The following MAN1B1 variants were observed in gnomAD, a reference collection of about 807,000 sequenced individuals.
MAN1B1 encodes the protein mannosidase alpha class 1B member 1, also known as endoplasmic reticulum mannosyl-oligosaccharide 1,2-alpha-mannosidase.
Under a neutral mutation model 75.5 loss-of-function variants are expected in MAN1B1, and 66 were observed. The ratio of observed to expected loss-of-function variants is 0.87; its 90% CI spans 0.72 to 1.07. The LOEUF (loss-of-function observed/expected upper bound fraction) is 1.07. MAN1B1 is among the 50% of genes least tolerant of loss of function. MAN1B1 has a pLI of 0.00. For synonymous variants in MAN1B1, 453 were observed against 382.8 expected, an observed-to-expected ratio of 1.18 and a Z score of -2.14; for missense variants, 973 against 912.5, an observed-to-expected ratio of 1.07 and a Z score of -0.85.
At position 137,106,199 on chromosome 9, in the gene MAN1B1, C is replaced by T. The variant is rs777513411; in HGVS notation, c.1329C>T (p.Ile443=). The part of the protein sequence containing the change: ...GKKDGLVPMF[I]NTHSGLFTHL... ...AGGATGGGCTGGTGCCCATGTTCAT[C>T]AATACCCACAGTGGCCTCTTCACCC... The change falls in exon 9 of 13, where the codon ATC becomes ATT. Residue 443 remains isoleucine, a synonymous_variant. Transcript: ENST00000371589. 2.5e-6 allele frequency: 4 copies of T among 1,611,944 alleles called. No individual in the cohort carries two copies. Among genetic ancestry groups the T allele is most frequent in the Non-Finnish European group, 3.4e-6 (4 of 1,179,522 alleles).
At chr9:137,098,011 AGCCATGGTGGGTGGCGCCCCCGC>A in intron 5 of MAN1B1, 74 bp downstream of exon 5, 2 of 1,210,916 alleles carry the variant, frequency 1.7e-6, no homozygotes, top group Non-Finnish European at 2.4e-6. Context: ...GCTTCGTCTC[AGCCATGGTGGGTGGCGCCCCCGC>A]CCTGGTGTGC....
Position 137,095,173 on chromosome 9 carries a change from A to G in MAN1B1, c.466-1064A>G, listed in dbSNP as rs116721038. ...ATTGCACTCCGGCCTGGGTGACAAA[A>G]CAAGACTCTGACTGGGATTACAGGC... On this transcript the variant is annotated intron_variant, in intron 3 of 12. Coordinates refer to ENST00000371589, the MANE Select transcript of MAN1B1 (RefSeq NM_016219.5). Among the ~76,000 whole-genome samples, 1,363 of 152,126 alleles carry G rather than the reference A, an allele frequency of 9.0e-3. 12 individuals are homozygous for G. Among genetic ancestry groups the G allele is most frequent in the African/African-American group, 0.023 (964 of 41,526 alleles).
rs1397406859 is a variant in MAN1B1, at chr9:137,088,185, T to C, written c.328+2T>C. 1 of 1,614,104 alleles carries C rather than the reference T, an allele frequency of 6.2e-7. No homozygotes were observed. ...TCAACTTGGCTGACCATTGGAAAGG[T>C]ATCAGAAACACGTGTACTTGAAAAC... On this transcript the variant is annotated splice_donor_variant, in intron 2 of 12. Coordinates refer to ENST00000371589, the MANE Select transcript of MAN1B1 (RefSeq NM_016219.5). LOFTEE classifies it high-confidence loss of function.
Position 137,097,831 on chromosome 9 carries a change from G to C in MAN1B1, c.624G>C (p.Trp208Cys). Residue 208 changes from tryptophan to cysteine, a missense_variant, in exon 5 of 13, where the codon TGG becomes TGC. By Grantham distance (215) the Trp-to-Cys change is radical (BLOSUM62 -2). Coordinates refer to ENST00000371589, the MANE Select transcript of MAN1B1 (RefSeq NM_016219.5). ...CACCCTTCCTTCTCCCCCGAAGCTGGAGGGGAGCGGTGATCGAGCCTGAGC... is the reference window on the plus strand; with the variant it reads ...CACCCTTCCTTCTCCCCCGAAGCTGCAGGGGAGCGGTGATCGAGCCTGAGC... ...EGDPQRTVIS[W>C]RGAVIEPEQG... 1.3e-6 allele frequency: 2 copies of C among 1,552,348 alleles called. No individual in the cohort carries two copies. The highest frequency in any genetic ancestry group is 2.4e-5 in the South Asian group (2 of 84,158).
intron 3 of MAN1B1, among the ~76,000 whole-genome samples, chr9:137,091,314 G>C (rs999030346): frequency 4.6e-5 from 7 of 152,092 alleles, no homozygotes; most frequent in Non-Finnish European, 1.0e-4. Flanking sequence ...TAGTGTCCAG[G>C]AGCAGCTGGG....
intron 9 of MAN1B1, 112 bp from the exon 10 acceptor site, chr9:137,106,577 G>T: frequency 6.4e-7 from 1 of 1,555,030 alleles, no homozygotes; most frequent in Non-Finnish European, 8.8e-7. Flanking sequence ...CTTCTGTCCG[G>T]CAAGGGCCAG....
At chr9:137,106,024 G>A (rs780842031) in intron 8 of MAN1B1, 101 bp from the exon 9 acceptor site, 4 of 911,190 alleles carry the variant, frequency 4.4e-6, no homozygotes, top group Admixed American at 3.9e-5. Context: ...GGAGTCAGTC[G>A]GTGCTGGGGC....
intron 3 of MAN1B1, among the ~76,000 whole-genome samples, chr9:137,090,266 T>C (rs1041820632): frequency 6.6e-6 from 1 of 152,130 alleles, no homozygotes. Flanking sequence ...TGTTGGTACA[T>C]CTGTGATTGT....
chr9:137,108,469 T>C lies in MAN1B1; in HGVS notation c.1978T>C (p.Phe660Leu). 1.2e-6 allele frequency: 2 copies of C among 1,613,966 alleles called. No homozygotes were observed. Among genetic ancestry groups the C allele is most frequent in the Non-Finnish European group, 1.7e-6 (2 of 1,180,002 alleles). Residue 660 changes from phenylalanine to leucine, a missense_variant, in exon 13 of 13, where the codon TTC becomes CTC. Physicochemically the swap from Phe to Leu is conservative, Grantham distance 22 (BLOSUM62 0). Coordinates refer to ENST00000371589, the MANE Select transcript of MAN1B1 (RefSeq NM_016219.5). ...PEPRDKMESF[F>L]LGETLKYLFL... ...GCCTAGGGACAAGATGGAGAGCTTCTTCCTGGGGGAGACGCTCAAGTATCT... is the reference window on the plus strand; with the variant it reads ...GCCTAGGGACAAGATGGAGAGCTTCCTCCTGGGGGAGACGCTCAAGTATCT...
chr9:137,101,799 A>G (rs768709697), intron 8 of MAN1B1, 127 bp downstream of exon 8: 116 of 1,128,896 alleles, frequency 1.0e-4, no homozygotes, highest in Non-Finnish European at 1.1e-4. Flanking sequence ...GATAAAACAC[A>G]CAAAACGCAC....
At chr9:137,106,471 T>G in intron 9 of MAN1B1, 156 bp downstream of exon 9, 2 of 955,880 alleles carry the variant, frequency 2.1e-6, no homozygotes, top group Non-Finnish European at 3.1e-6. Context: ...GCCCAGGCAT[T>G]TATGTGGAGG....
At chr9:137,103,825 G>T in intron 8 of MAN1B1, 1 of 454,536 alleles carries the variant, frequency 2.2e-6, no homozygotes, top group South Asian at 1.6e-5. Flanking sequence ...TTGCAGGCTT[G>T]CAGGTCGGTG....
chr9:137,093,662 C>T (rs1357387836), intron 3 of MAN1B1, among the ~76,000 whole-genome samples: 1 of 151,934 alleles, frequency 6.6e-6, no homozygotes, highest in Non-Finnish European at 1.5e-5. Flanking sequence ...AACCCCGTCT[C>T]TACTAAAAAT....
intron 4 of MAN1B1, 74 bp downstream of exon 4, chr9:137,096,465 A>G (rs1255010586): frequency 2.6e-6 from 4 of 1,527,690 alleles, no homozygotes; most frequent in Admixed American, 1.9e-5. Context: ...GCGGAAACGC[A>G]TTGTGTCTGA....
At chr9:137,091,817 C>T (rs1445175091) in intron 3 of MAN1B1, among the ~76,000 whole-genome samples, 2 of 152,140 alleles carry the variant, frequency 1.3e-5, no homozygotes, top group Admixed American at 6.5e-5. Context: ...TGAGCCACCA[C>T]GCCCGGCCTT....
chr9:137,107,518 G>A lies in MAN1B1; in HGVS notation c.1765-13G>A, dbSNP rs765257223. ...CAGGGCTGGCCTTGCCCTGAGCTCTGCTCCGCCCACAGCCAGCAGACAGGC... is the reference window on the plus strand; with the variant it reads ...CAGGGCTGGCCTTGCCCTGAGCTCTACTCCGCCCACAGCCAGCAGACAGGC... On this transcript the variant is annotated splice_polypyrimidine_tract_variant and intron_variant, in intron 11 of 12. Coordinates refer to ENST00000371589, the MANE Select transcript of MAN1B1 (RefSeq NM_016219.5). 1.1e-5 allele frequency: 18 copies of A among 1,612,836 alleles called. No individual in the cohort carries two copies. The highest frequency in any genetic ancestry group is 2.7e-5 in the African/African-American group (2 of 74,944).
At position 137,107,249 on chromosome 9, in the gene MAN1B1, G is replaced by T. The variant is rs1397786109; in HGVS notation, c.1567-1G>T. On this transcript the variant is annotated splice_acceptor_variant, in intron 10 of 12. Transcript: ENST00000371589. LOFTEE classifies it high-confidence loss of function. ...GGGCTGAAGAGACCCTCTGATTCCA[G>T]GACCACCTGGTGTGCTTCCTGCCAG... 6.2e-7 allele frequency: 1 copy of T among 1,612,752 alleles called. No individual in the cohort carries two copies. The highest frequency in any genetic ancestry group is 8.5e-7 in the Non-Finnish European group (1 of 1,179,840).
intron 5 of MAN1B1, 41 bp from the exon 6 acceptor site, chr9:137,099,655 G>A (rs1293990987): frequency 5.0e-6 from 8 of 1,608,998 alleles, no homozygotes; most frequent in Admixed American, 1.7e-5. Context: ...CCGACGCCAG[G>A]ACCACGTCCG....
intron 3 of MAN1B1, among the ~76,000 whole-genome samples, chr9:137,095,610 A>G (rs1588591169): frequency 6.6e-6 from 1 of 152,212 alleles, no homozygotes; most frequent in Non-Finnish European, 1.5e-5. Flanking sequence ...AACTGAGGCC[A>G]TAGGAGAGAA....
Sources: allele counts gnomAD v4.1 joint callset (sites outside exome capture counted in the v4.1 genomes callset), GRCh38; gene constraint gnomAD v4.1.1; transcripts MANE v1.5; gene names NCBI Gene and HGNC (gene_info 2026-07-23, HGNC 2026-07-21).